Variants in TESMIN observed in about 807,000 individuals in gnomAD.
TESMIN encodes testis expressed metallothionein like protein, also known as CXC domain containing 2.
Under a neutral mutation model 47.4 loss-of-function variants are expected in TESMIN, and 34 were observed. The ratio of observed to expected loss-of-function variants is 0.72; its 90% CI spans 0.55 to 0.96. The LOEUF is 0.96. Ranked by LOEUF, TESMIN falls within the 40% of genes least tolerant of loss-of-function variation. The probability of loss-of-function intolerance (pLI) is 0.00; values close to 1 mark genes in which losing one functional copy is unlikely to be tolerated. For missense variants in TESMIN, 610 were observed against 637.2 expected, an observed-to-expected ratio of 0.96 and a Z score of 0.46; for synonymous variants, 278 against 258.9, an observed-to-expected ratio of 1.07 and a Z score of -0.71.
intron 6 of TESMIN, among the ~76,000 whole-genome samples, chr11:68,720,990 AT>A (rs1472662508): frequency 2.6e-5 from 4 of 152,194 alleles, no homozygotes; most frequent in Non-Finnish European, 4.4e-5. Context: ...CAAAAATAAG[AT>A]CATATTCTAC....
chr11:68,711,295 C>A (rs1201642011), intron 8 of TESMIN, among the ~76,000 whole-genome samples: 1 of 107,202 alleles, frequency 9.3e-6, no homozygotes, highest in East Asian at 3.4e-4. Flanking sequence ...GTGTGTTGAG[C>A]GTGTATATGA....
At chr11:68,721,993 A>G (rs1215144269) in intron 6 of TESMIN, among the ~76,000 whole-genome samples, 2 of 152,234 alleles carry the variant, frequency 1.3e-5, no homozygotes, top group African/African-American at 4.8e-5. Context: ...AAGGAGTGAA[A>G]GCAGGGACTC....
downstream of TESMIN, among the ~76,000 whole-genome samples, chr11:68,706,954 C>G (rs1370524845): frequency 6.6e-6 from 1 of 152,172 alleles, no homozygotes; most frequent in Non-Finnish European, 1.5e-5. Flanking sequence ...GTGAAGGAGG[C>G]CAGGTGGCTC....
chr11:68,737,682 T>A, intron 6 of TESMIN: 1 of 982,570 alleles, frequency 1.0e-6, no homozygotes, highest in Non-Finnish European at 1.2e-6. Context: ...GAGGCTGAGA[T>A]GGGCGGATCA....
rs1178514493 is a variant in TESMIN at position 68,713,410 on chromosome 11, A to C, written c.1021-3T>G. ...TCTGGATTTCTACCAAGACATGCCTAGGGTAGAATGGGAAGCTCCATCAGG... is the reference window on the plus strand; with the variant it reads ...TCTGGATTTCTACCAAGACATGCCTCGGGTAGAATGGGAAGCTCCATCAGG... On this transcript the variant is annotated splice_region_variant and splice_polypyrimidine_tract_variant and intron_variant, in intron 7 of 9. Coordinates refer to ENST00000255087, the MANE Select transcript of TESMIN (RefSeq NM_004923.3). 1.9e-6 allele frequency: 3 copies of C among 1,613,758 alleles called. No individual in the cohort carries two copies. The highest frequency in any genetic ancestry group is 2.5e-6 in the Non-Finnish European group (3 of 1,179,910).
At chr11:68,711,338 G>A (rs949395293) in intron 8 of TESMIN, among the ~76,000 whole-genome samples, 10 of 151,684 alleles carry the variant, frequency 6.6e-5, no homozygotes, top group Middle Eastern at 3.4e-3. Flanking sequence ...TCGAGTGTGC[G>A]TGTGTGTGCA....
At chr11:68,711,181 GTGT>G (rs1165930843) in intron 8 of TESMIN, 132 bp from the exon 9 acceptor site, 4 of 778,478 alleles carry the variant, frequency 5.1e-6, no homozygotes, top group South Asian at 3.6e-5. Flanking sequence ...GTGTCTGTGT[GTGT>G]TGAGTGTGAA....
chr11:68,708,113 A>T lies in TESMIN; in HGVS notation c.*195T>A, dbSNP rs1000196040. On this transcript the variant is annotated 3_prime_UTR_variant, in exon 10 of 10. Coordinates refer to ENST00000255087, the MANE Select transcript of TESMIN (RefSeq NM_004923.3). Reference sequence around the variant, plus strand: ...CCTCTGGGCCAGACAAACAATGCTCAGGCCATGCACCTCCTCAGAAAAGGG... The same window carrying T: ...CCTCTGGGCCAGACAAACAATGCTCTGGCCATGCACCTCCTCAGAAAAGGG... 10 of 581,322 alleles carry T rather than the reference A, an allele frequency of 1.7e-5. No individual in the cohort carries two copies. The highest frequency in any genetic ancestry group is 2.7e-5 in the Non-Finnish European group (9 of 328,278). The allele number at this position is 581,322 out of a possible 1,614,324, so 36.0% of individuals were successfully genotyped here.
At chr11:68,743,900 A>G (rs1424650684) in intron 4 of TESMIN, among the ~76,000 whole-genome samples, 1 of 152,112 alleles carries the variant, frequency 6.6e-6, no homozygotes, top group Non-Finnish European at 1.5e-5. Context: ...ATGATAAGGA[A>G]CTTGAACTGG....
intron 4 of TESMIN, among the ~76,000 whole-genome samples, chr11:68,743,298 G>C (rs1265692228): frequency 6.9e-6 from 1 of 145,934 alleles, no homozygotes; most frequent in Non-Finnish European, 1.5e-5. Flanking sequence ...GAGTGCAGTA[G>C]TGCGATGTTG....
intron 6 of TESMIN, among the ~76,000 whole-genome samples, chr11:68,723,268 C>A (rs957147277): frequency 1.3e-5 from 2 of 151,348 alleles, no homozygotes; most frequent in Admixed American, 6.6e-5. Context: ...CATATACATA[C>A]ACATATATGT....
At position 68,750,407 on chromosome 11, in the gene TESMIN, C is replaced by A; in HGVS notation, c.254G>T (p.Gly85Val). The change falls in exon 2 of 10, where the codon GGG becomes GTG. Residue 85 changes from glycine (G) to valine (V), a missense_variant. Gly to Val is a moderately radical substitution (Grantham distance 109, BLOSUM62 -3). Coordinates refer to ENST00000255087, the MANE Select transcript of TESMIN (RefSeq NM_004923.3). ...CKGQVKAKLA[G>V]GDSDGGELLG... ...GAGCTCCCCGCCGTCGCTGTCGCCC[C>A]CCGCGAGCTTCGCCTTGACCTGGCC... 6.6e-7 allele frequency: 1 copy of A among 1,524,964 alleles called. No homozygotes were observed. Among genetic ancestry groups the A allele is most frequent in the Non-Finnish European group, 8.8e-7 (1 of 1,131,886 alleles). 94.5% of individuals were successfully genotyped at this position (1,524,964 alleles called of 1,614,324 possible).
intron 8 of TESMIN, 32 bp downstream of exon 8, chr11:68,713,238 T>C: frequency 6.3e-7 from 1 of 1,584,554 alleles, no homozygotes; most frequent in Non-Finnish European, 8.6e-7. Context: ...ACCTGTGTTT[T>C]TTGTTAGTGA....
intron 8 of TESMIN, 76 bp downstream of exon 8, chr11:68,713,194 G>T: frequency 7.0e-7 from 1 of 1,431,776 alleles, no homozygotes; most frequent in South Asian, 1.5e-5. Flanking sequence ...TTACAGCAAA[G>T]TTTTTTTAAC....
chr11:68,716,808 C>T (rs1946144887), intron 6 of TESMIN, among the ~76,000 whole-genome samples: 1 of 152,254 alleles, frequency 6.6e-6, no homozygotes, highest in Non-Finnish European at 1.5e-5. Flanking sequence ...GCAAGGACTC[C>T]TACTGTGCCA....
At chr11:68,725,244 CAATT>C (rs1946247404) in intron 6 of TESMIN, among the ~76,000 whole-genome samples, 1 of 152,162 alleles carries the variant, frequency 6.6e-6, no homozygotes, top group Non-Finnish European at 1.5e-5. Flanking sequence ...TGGTGCTAGA[CAATT>C]AATTGTCCGT....
chr11:68,738,883 C>T, intron 5 of TESMIN, 95 bp from the exon 6 acceptor site: 5 of 1,085,928 alleles, frequency 4.6e-6, no homozygotes, highest in African/African-American at 1.6e-5. Context: ...TCTTTTTTTC[C>T]CTAAAGGTTT....
chr11:68,734,630 C>T (rs1946366204), intron 6 of TESMIN, among the ~76,000 whole-genome samples: 1 of 152,234 alleles, frequency 6.6e-6, no homozygotes, highest in Non-Finnish European at 1.5e-5. Context: ...GTCATGTACA[C>T]AGGCCTCATC....
chr11:68,743,624 T>A (rs1386171882), intron 4 of TESMIN, among the ~76,000 whole-genome samples: 1 of 152,166 alleles, frequency 6.6e-6, no homozygotes, highest in African/African-American at 2.4e-5. Context: ...CTAAGCTATT[T>A]AGACTAAACT....
Sources: gnomAD v4.1 joint callset for allele counts (sites outside exome capture counted in the v4.1 genomes callset) on GRCh38, gnomAD v4.1.1 for gene constraint, MANE v1.5 for transcripts, NCBI Gene and HGNC (gene_info 2026-07-23, HGNC 2026-07-21) for gene names.